The following LPAR6 variants were observed in gnomAD, a reference collection of about 807,000 sequenced individuals.
LPAR6 encodes the protein G-protein coupled purinergic receptor P2Y5.
In LPAR6, 17 loss-of-function variants were observed where a neutral mutation model predicts 22.0. That is an observed-to-expected ratio of 0.77 (90% CI 0.53 to 1.16). LPAR6 has a LOEUF of 1.16. Ranked by LOEUF, LPAR6 falls within the 50% of genes most tolerant of loss-of-function variation. The pLI, the probability that LPAR6 is intolerant of heterozygous loss-of-function variation, is 0.00. For missense variants in LPAR6, 384 were observed against 406.9 expected (o/e 0.94, Z 0.48); for synonymous variants, 136 against 139.8 (o/e 0.97, Z 0.19).
At chr13:48,391,721 C>G (rs537359063) in intron 1 of LPAR6, among the ~76,000 whole-genome samples, 1 of 152,006 alleles carries the variant, frequency 6.6e-6, no homozygotes, top group East Asian at 1.9e-4. Flanking sequence ...TGGGTTCAAG[C>G]GATTCTCCTG....
chr13:48,412,450 T>C lies in LPAR6; in HGVS notation c.-27A>G, dbSNP rs941640290. The C allele has an allele frequency of 8.5e-6, 13 of 1,526,122 alleles. No homozygotes were observed. The African/African-American group carries it at 9.6e-5, about 11-fold the overall frequency. 94.5% of individuals were successfully genotyped at this position (1,526,122 alleles called of 1,614,324 possible). ...GTAAAGGCACGTCCAATTTTCAGTTTGGAAGCACTTTCATCAGCTGCAGTC... is the reference window on the plus strand; with the variant it reads ...GTAAAGGCACGTCCAATTTTCAGTTCGGAAGCACTTTCATCAGCTGCAGTC... On this transcript the variant is annotated 5_prime_UTR_variant, in exon 1 of 1. Coordinates refer to ENST00000620633, the MANE Select transcript of LPAR6 (RefSeq NM_001162498.3).
intron 2 of LPAR6, among the ~76,000 whole-genome samples, chr13:48,420,752 CAG>C (rs1402099001): frequency 6.6e-6 from 1 of 152,218 alleles, no homozygotes; most frequent in South Asian, 2.1e-4. Flanking sequence ...AATAGACAAA[CAG>C]AGAGCCAAAT....
downstream of LPAR6, among the ~76,000 whole-genome samples, chr13:48,406,201 ATG>A (rs146588176): frequency 0.011 from 1,604 of 151,970 alleles, 27 homozygotes; most frequent in African/African-American, 0.037. Flanking sequence ...CAAAGGGTTA[ATG>A]TGTGTGTGTA....
At chr13:48,421,683 C>T (rs1949007197) in intron 2 of LPAR6, among the ~76,000 whole-genome samples, 1 of 152,132 alleles carries the variant, frequency 6.6e-6, no homozygotes, top group South Asian at 2.1e-4. Flanking sequence ...AAAAAGCAAA[C>T]AACTCCATCA....
At chr13:48,413,306 T>C (rs1353220832), upstream of LPAR6, among the ~76,000 whole-genome samples, 2 of 152,202 alleles carry the variant, frequency 1.3e-5, no homozygotes, top group Admixed American at 6.5e-5. Flanking sequence ...TCATTAACTC[T>C]TTTTATGTGG....
intron 1 of LPAR6, among the ~76,000 whole-genome samples, chr13:48,393,036 C>A (rs1948622859): frequency 6.6e-6 from 1 of 152,104 alleles, no homozygotes; most frequent in Non-Finnish European, 1.5e-5. Flanking sequence ...AGGCATTGCT[C>A]TTCTGAGTAC....
intron 1 of LPAR6, among the ~76,000 whole-genome samples, chr13:48,443,804 T>C (rs778515504): frequency 1.3e-5 from 2 of 152,224 alleles, no homozygotes; most frequent in African/African-American, 2.4e-5. Flanking sequence ...ATTGCTTATA[T>C]ACATTTTTTT....
chr13:48,440,901 C>T (rs1949230334), intron 1 of LPAR6, among the ~76,000 whole-genome samples: 2 of 151,820 alleles, frequency 1.3e-5, no homozygotes, highest in South Asian at 4.2e-4. Flanking sequence ...CTAAGAATGC[C>T]CTATATTGTA....
At chr13:48,442,473 T>C (rs1949247815) in intron 1 of LPAR6, among the ~76,000 whole-genome samples, 1 of 152,258 alleles carries the variant, frequency 6.6e-6, no homozygotes, top group Non-Finnish European at 1.5e-5. Context: ...ATTTTTGTCT[T>C]ATTTCAGTTA....
At chr13:48,443,336 A>G (rs542218782) in intron 1 of LPAR6, among the ~76,000 whole-genome samples, 3 of 152,048 alleles carry the variant, frequency 2.0e-5, no homozygotes, top group Non-Finnish European at 4.4e-5. Context: ...ATTTAATTCT[A>G]GGAAGCTTCT....
intron 1 of LPAR6, among the ~76,000 whole-genome samples, chr13:48,432,926 A>G (rs1381339615): frequency 2.6e-5 from 4 of 152,164 alleles, no homozygotes; most frequent in Non-Finnish European, 5.9e-5. Flanking sequence ...ATTTAATTTC[A>G]GTCTTTGCTA....
chr13:48,402,375 A>G (rs1438157628), intron 1 of LPAR6, among the ~76,000 whole-genome samples: 3 of 22,408 alleles, frequency 1.3e-4, no homozygotes, highest in African/African-American at 2.3e-4. Flanking sequence ...CCCTTGTAGA[A>G]AACCTTTTTT....
At chr13:48,442,125 T>TC (rs1315006659) in intron 1 of LPAR6, among the ~76,000 whole-genome samples, 1 of 152,210 alleles carries the variant, frequency 6.6e-6, no homozygotes, top group Non-Finnish European at 1.5e-5. Flanking sequence ...TCAAGAACTT[T>TC]CCTATTCCTC....
chr13:48,394,977 A>G (rs1417738922), intron 1 of LPAR6, among the ~76,000 whole-genome samples: 2 of 152,200 alleles, frequency 1.3e-5, no homozygotes, highest in African/African-American at 2.4e-5. Context: ...AGGAATCAAC[A>G]GACACCTCAT....
In LPAR6 at chr13:48,435,218, C is replaced by T. The variant is rs548522348; in HGVS notation, c.-1474+9335G>A. On this transcript the variant is annotated intron_variant, in intron 1 of 6. Coordinates refer to the LPAR6 transcript ENST00000378434. ...GTGATCCAGTTTCTCTGCATTCTTT[C>T]CATCATTTGGTGATGTCTTTATTTT... Among the ~76,000 whole-genome samples the T allele has an allele frequency of 4.6e-5, 7 of 152,308 alleles. No homozygotes were observed. In the East Asian group the frequency reaches 1.3e-3, roughly 29 times the overall value.
In LPAR6 at chr13:48,435,097, G is replaced by T. The variant is rs144040703; in HGVS notation, c.-1474+9456C>A. Among the ~76,000 whole-genome samples, 396 of 152,270 alleles carry T rather than the reference G, an allele frequency of 2.6e-3. 1 individual carries two copies. The highest frequency in any genetic ancestry group is 9.1e-3 in the African/African-American group (377 of 41,568). ...GCCTAATGAGTAAAATTGAAGAGTTGTATGGTTATTTTGCATTTTCTTTGA... is the reference window on the plus strand; with the variant it reads ...GCCTAATGAGTAAAATTGAAGAGTTTTATGGTTATTTTGCATTTTCTTTGA... On this transcript the variant is annotated intron_variant, in intron 1 of 6. Coordinates refer to the LPAR6 transcript ENST00000378434.
At chr13:48,443,347 CTATT>C (rs1210363232) in intron 1 of LPAR6, among the ~76,000 whole-genome samples, 1 of 151,784 alleles carries the variant, frequency 6.6e-6, no homozygotes, top group Non-Finnish European at 1.5e-5. Flanking sequence ...GGAAGCTTCT[CTATT>C]CATTTGCTTT....
chr13:48,420,268 A>G (rs926791136), intron 2 of LPAR6, among the ~76,000 whole-genome samples: 3 of 152,230 alleles, frequency 2.0e-5, no homozygotes, highest in East Asian at 3.8e-4. Context: ...TCACATAAAC[A>G]GAACCAAAGA....
chr13:48,405,688 TATAAAGCATTAAC>T (rs2138187690), intron 1 of LPAR6, among the ~76,000 whole-genome samples: 1 of 152,338 alleles, frequency 6.6e-6, no homozygotes, highest in South Asian at 2.1e-4. Context: ...CAATACCCAA[TATAAAGCATTAAC>T]ATGTTTCCCA....
Sources: allele counts gnomAD v4.1 joint callset (sites outside exome capture counted in the v4.1 genomes callset), GRCh38; gene constraint gnomAD v4.1.1; transcripts MANE v1.5; gene names NCBI Gene and HGNC (gene_info 2026-07-23, HGNC 2026-07-21).